The following ZFX variants were observed in gnomAD, a reference collection of about 807,000 sequenced individuals.
ZFX encodes the protein zinc finger X-chromosomal protein.
For missense variants in ZFX, 362 were observed against 628.3 expected (o/e 0.58, Z 4.53); for synonymous variants, 196 against 226.8 (o/e 0.86, Z 1.22).
chrX:24,181,482 TG>T (rs1314047073), intron 5 of ZFX, among the ~76,000 whole-genome samples: 1 of 111,675 alleles, frequency 9.0e-6, no homozygotes, highest in African/African-American at 3.3e-5. Context: ...AGGGCACGGG[TG>T]GCAGGAAGAC....
At position 24,208,234 on chromosome X, in the gene ZFX, T is replaced by C. The variant is rs1937751847; in HGVS notation, c.957T>C (p.Ala319=). The stretch of plus-strand genomic sequence containing the variant: ...TCTACTTAGATGTTGCTGAAATCGC[T>C]GACGAAGTTTATATGGAAGTGATCG... The part of the protein sequence containing the change: ...EDEDLNVAEI[A]DEVYMEVIVG... Residue 319 remains alanine (A), a synonymous_variant, in exon 8 of 10, where the codon GCT becomes GCC. Transcript: ENST00000304543. 1 of 1,212,227 alleles carries C rather than the reference T, an allele frequency of 8.2e-7. No homozygotes were observed. Among genetic ancestry groups the C allele is most frequent in the Non-Finnish European group, 1.1e-6 (1 of 895,619 alleles).
intron 3 of ZFX, among the ~76,000 whole-genome samples, chrX:24,154,824 T>C (rs886920821): frequency 8.9e-6 from 1 of 112,075 alleles, no homozygotes; most frequent in Non-Finnish European, 1.9e-5. Flanking sequence ...AACGAGGTCG[T>C]GTCTTTTGCG....
In ZFX at chrX:24,172,697, C is replaced by CT. The variant is rs1391487761; in HGVS notation, c.-28-12dup. ...TGAAAAAACTAATGGCTTTGGTTTA[C>CT]TTTTTTCCCTGATTTAGGAGCTGTG... is the stretch of plus-strand genomic sequence containing the variant. On this transcript the variant is annotated splice_polypyrimidine_tract_variant and intron_variant, in intron 3 of 9. Coordinates refer to ENST00000304543, the MANE Select transcript of ZFX (RefSeq NM_003410.4). 9.0e-7 allele frequency: 1 copy of CT among 1,114,693 alleles called. No individual in the cohort carries two copies. The highest frequency in any genetic ancestry group is 1.8e-5 in the African/African-American group (1 of 54,440). 91.9% of individuals were successfully genotyped at this position (1,114,693 alleles called of 1,213,427 possible).
At chrX:24,202,716 G>A (rs763817933) in intron 5 of ZFX, among the ~76,000 whole-genome samples, 1 of 112,118 alleles carries the variant, frequency 8.9e-6, no homozygotes, top group East Asian at 2.8e-4. Context: ...TGATGGCAAA[G>A]CTTAGTTAAC....
At position 24,172,737 on chromosome X, in the gene ZFX, A is replaced by G; in HGVS notation, c.-6A>G. 1 of 1,192,281 alleles carries G rather than the reference A, an allele frequency of 8.4e-7. No homozygotes were observed. The highest frequency in any genetic ancestry group is 1.1e-6 in the Non-Finnish European group (1 of 888,077). On this transcript the variant is annotated 5_prime_UTR_variant, in exon 4 of 10. Coordinates refer to ENST00000304543, the MANE Select transcript of ZFX (RefSeq NM_003410.4). ...TAGGAGCTGTGACTGATGAGAATTA[A>G]AGGCCATGGATGAAGATGGGCTTGA...
chrX:24,154,757 A>AT (rs947836300), intron 3 of ZFX, among the ~76,000 whole-genome samples: 33 of 110,537 alleles, frequency 3.0e-4, no homozygotes, highest in East Asian at 1.1e-3. Flanking sequence ...TTGTTTTACT[A>AT]TTTTTTTTTG....
At chrX:24,183,147 A>G (rs998730004) in intron 5 of ZFX, among the ~76,000 whole-genome samples, 3 of 111,994 alleles carry the variant, frequency 2.7e-5, no homozygotes, top group Non-Finnish European at 5.6e-5. Flanking sequence ...TAGATTGCTG[A>G]ACCGCATTGA....
intron 9 of ZFX, 138 bp from the exon 10 acceptor site, chrX:24,210,055 A>G: frequency 2.5e-6 from 2 of 807,885 alleles, no homozygotes; most frequent in Non-Finnish European, 3.5e-6. Flanking sequence ...GAAAAACAGT[A>G]AAAGGAATGT....
chrX:24,171,735 C>G (rs917540024), intron 3 of ZFX, among the ~76,000 whole-genome samples: 11 of 111,219 alleles, frequency 9.9e-5, no homozygotes, highest in African/African-American at 3.6e-4. Flanking sequence ...TACAAGAATT[C>G]AAGGCAGGAA....
At chrX:24,202,340 C>T (rs749150483) in intron 5 of ZFX, among the ~76,000 whole-genome samples, 1 of 111,680 alleles carries the variant, frequency 9.0e-6, no homozygotes, top group Non-Finnish European at 1.9e-5. Context: ...CTCTGCAACC[C>T]ATTCTAGTTA....
chrX:24,157,357 T>C (rs752364367), intron 3 of ZFX, among the ~76,000 whole-genome samples: 1 of 112,030 alleles, frequency 8.9e-6, no homozygotes, highest in African/African-American at 3.2e-5. Flanking sequence ...ATTTCATAGA[T>C]TCTGAGGTAC....
At chrX:24,173,662 T>C (rs1385657551) in intron 4 of ZFX, 3 of 857,989 alleles carry the variant, frequency 3.5e-6, no homozygotes. Context: ...CTGGGTCCAC[T>C]GCAACCTCCG....
chrX:24,155,249 A>G (rs1932690374), intron 3 of ZFX, among the ~76,000 whole-genome samples: 1 of 112,363 alleles, frequency 8.9e-6, no homozygotes, highest in Non-Finnish European at 1.9e-5. Flanking sequence ...AAACATCTAT[A>G]GATACGACCC....
rs140794571 is a variant in ZFX at position 24,174,979 on chromosome X, G to T, written c.58+2179G>T. 6.7e-3 allele frequency among the ~76,000 whole-genome samples: 750 copies of T among 111,731 alleles called. 3 individuals are homozygous for T. Among genetic ancestry groups the T allele is most frequent in the African/African-American group, 0.023 (715 of 30,742 alleles). On this transcript the variant is annotated intron_variant, in intron 4 of 9. Transcript: ENST00000304543. The stretch of plus-strand genomic sequence containing the variant: ...GCCTCTCATGGTGCTGGGATTACAG[G>T]TGTGAGCCACTGTGCTCGGTCAAAT...
At chrX:24,209,069 C>A (rs749654423) in intron 9 of ZFX, 29 bp downstream of exon 9, 1 of 1,211,335 alleles carries the variant, frequency 8.3e-7, no homozygotes, top group Non-Finnish European at 1.1e-6. Flanking sequence ...CATGGCGCAG[C>A]GTGCTCTGCG....
chrX:24,150,263 G>A (rs1389867442), intron 1 of ZFX: 1 of 101,760 alleles, frequency 9.8e-6, no homozygotes, highest in African/African-American at 3.5e-5. Context: ...CCGGGAGGGG[G>A]AGCCGCCATC....
chrX:24,208,284 C>T lies in ZFX; in HGVS notation c.1007C>T (p.Ala336Val). Residue 336 changes from alanine (A) to valine (V), a missense_variant, in exon 8 of 10, where the codon GCA becomes GTA. Ala to Val is a moderately conservative substitution (Grantham distance 64). Coordinates refer to ENST00000304543, the MANE Select transcript of ZFX (RefSeq NM_003410.4). The stretch of plus-strand genomic sequence containing the variant: ...GTAGGAGAGGAGGATGCTGCAGCAG[C>T]AGCGGCAGCCGCCGCCGTGCACGAG... The part of the protein sequence containing the change: ...VIVGEEDAAA[A>V]AAAAAVHEQQ... The T allele has an allele frequency of 8.3e-7, 1 of 1,209,495 alleles. No homozygotes were observed. Among genetic ancestry groups the T allele is most frequent in the Non-Finnish European group, 1.1e-6 (1 of 895,021 alleles).
Position 24,179,232 on chromosome X carries a change from A to G in ZFX, c.108A>G (p.Gln36=), listed in dbSNP as rs1322987215. The G allele has an allele frequency of 8.3e-7, 1 of 1,212,051 alleles. No homozygotes were observed. The highest frequency in any genetic ancestry group is 2.2e-5 in the Admixed American group (1 of 46,054). Residue 36 remains glutamine (Q), a synonymous_variant, in exon 5 of 10, where the codon CAA becomes CAG. Transcript: ENST00000304543. The part of the protein sequence containing the change: ...MDGDQIVVEV[Q]ETVFVSDVVD... ...GTGATCAAATTGTTGTGGAAGTACA[A>G]GAAACTGTTTTTGTTTCAGATGTTG...
chrX:24,155,600 C>T (rs1455934542), intron 3 of ZFX, among the ~76,000 whole-genome samples: 2 of 112,287 alleles, frequency 1.8e-5, no homozygotes, highest in Admixed American at 9.5e-5. Context: ...ATCAACTTTA[C>T]TGGGAATTGC....
Sources: gnomAD v4.1 joint callset for allele counts (sites outside exome capture counted in the v4.1 genomes callset) on GRCh38, gnomAD v4.1.1 for gene constraint, MANE v1.5 for transcripts, NCBI Gene and HGNC (gene_info 2026-07-23, HGNC 2026-07-21) for gene names.